The following TAAR2 variants were observed in gnomAD, a reference collection of about 807,000 sequenced individuals.
TAAR2 encodes trace amine associated receptor 2, also known as trace amine-associated receptor 2.
In TAAR2, 30 loss-of-function variants were observed where a neutral mutation model predicts 25.5. The observed-to-expected ratio is 1.18, with a 90% confidence interval of 0.88 to 1.60. The LOEUF (loss-of-function observed/expected upper bound fraction) is 1.60, where lower values mean the gene tolerates loss of function less well. Ranked by LOEUF, TAAR2 falls within the 40% of genes most tolerant of loss-of-function variation. TAAR2 has a pLI of 0.00. For synonymous variants in TAAR2, 150 were observed against 142.4 expected (o/e 1.05, Z -0.38); for missense variants, 481 against 416.5 (o/e 1.15, Z -1.35).
In TAAR2 at chr6:132,617,698, C is replaced by T; in HGVS notation, c.508G>A (p.Val170Ile). ...ACCCCGAAGGCAAATGCTCCAGGGA[C>T]CGACCAACATAGAAGTAGCAATCTT... is the stretch of plus-strand genomic sequence containing the variant. ...IKRLLLLCWS[V>I]PGAFAFGVVF... Residue 170 changes from valine (V) to isoleucine (I), a missense_variant, in exon 2 of 2, where the codon GTC (valine) becomes ATC (isoleucine). Val to Ile is a conservative substitution (Grantham distance 29). Coordinates refer to ENST00000367931, the MANE Select transcript of TAAR2 (RefSeq NM_001033080.1). The T allele has an allele frequency of 6.2e-7, 1 of 1,613,820 alleles. No homozygotes were observed. Among genetic ancestry groups the T allele is most frequent in the Non-Finnish European group, 8.5e-7 (1 of 1,179,952 alleles).
In TAAR2 at chr6:132,624,123, A is replaced by G; in HGVS notation, c.60+93T>C. 5 of 1,196,740 alleles carry G rather than the reference A, an allele frequency of 4.2e-6. 1 individual carries two copies. The highest frequency in any genetic ancestry group is 6.1e-6 in the Non-Finnish European group (5 of 817,994). 74.1% of individuals were successfully genotyped at this position (1,196,740 alleles called of 1,614,324 possible). The stretch of plus-strand genomic sequence containing the variant: ...CCTTTTAGATCTGGAGGAATTGAGC[A>G]TAATTATTATCTTTGTAAATAATTC... On this transcript the variant is annotated intron_variant, in intron 1 of 1. Transcript: ENST00000367931.
In TAAR2 at chr6:132,618,368, G is replaced by A. The variant is rs538854299; in HGVS notation, c.61-223C>T. ...TAAAAGATCATTATTGGCCAGGTGC[G>A]GTGGCTCACGCCTGTAATCCCAGCA... On this transcript the variant is annotated intron_variant, in intron 1 of 1. Coordinates refer to ENST00000367931, the MANE Select transcript of TAAR2 (RefSeq NM_001033080.1). Among the ~76,000 whole-genome samples the A allele has an allele frequency of 1.2e-4, 19 of 152,102 alleles. No homozygotes were observed. The South Asian group carries it at 1.9e-3, about 15-fold the overall frequency.
chr6:132,623,947 C>G (rs2114615007), intron 1 of TAAR2, among the ~76,000 whole-genome samples: 2 of 152,050 alleles, frequency 1.3e-5, no homozygotes, highest in South Asian at 4.2e-4. Context: ...CTGGTTCAAG[C>G]AGAAGAATGC....
intron 1 of TAAR2, among the ~76,000 whole-genome samples, chr6:132,619,190 T>A (rs1777341792): frequency 6.6e-6 from 1 of 152,216 alleles, no homozygotes; most frequent in South Asian, 2.1e-4. Flanking sequence ...CACACAAGGC[T>A]ATGAGCAGAG....
At chr6:132,623,853 A>G (rs568021460) in intron 1 of TAAR2, among the ~76,000 whole-genome samples, 1 of 152,072 alleles carries the variant, frequency 6.6e-6, no homozygotes, top group African/African-American at 2.4e-5. Flanking sequence ...CTGCTATTAC[A>G]TAAAGGCTGT....
At chr6:132,618,192 CTA>C in intron 1 of TAAR2, 47 bp from the exon 2 acceptor site, 1 of 1,490,228 alleles carries the variant, frequency 6.7e-7, no homozygotes, top group Non-Finnish European at 9.0e-7. Flanking sequence ...TATAAATATT[CTA>C]TGTTTTATAT....
In TAAR2 at chr6:132,617,403, A is replaced by G. The variant is rs1426524814; in HGVS notation, c.803T>C (p.Ile268Thr). 6.2e-7 allele frequency: 1 copy of G among 1,613,698 alleles called. No homozygotes were observed. The highest frequency in any genetic ancestry group is 8.5e-7 in the Non-Finnish European group (1 of 1,179,930). The change falls in exon 2 of 2, where the codon ATA becomes ACA. Residue 268 changes from isoleucine to threonine, a missense_variant. Coordinates refer to ENST00000367931, the MANE Select transcript of TAAR2 (RefSeq NM_001033080.1). The stretch of plus-strand genomic sequence containing the variant: ...AAACCAACATAATAAGAAAACTCCT[A>G]TCACTATTCCTAAAGTTTTGGCAGC... ...KKAAKTLGIV[I>T]GVFLLCWFPC...
chr6:132,623,292 C>A (rs1777399814), intron 1 of TAAR2, among the ~76,000 whole-genome samples: 1 of 152,164 alleles, frequency 6.6e-6, no homozygotes, highest in South Asian at 2.1e-4. Context: ...TGTTACACTG[C>A]CAGAAGGCAG....
In TAAR2 at chr6:132,624,099, CT is replaced by C. The variant is rs11312425; in HGVS notation, c.60+116del. Reference sequence around the variant, plus strand: ...ATTAAAAGAACACATTTCATCAACCCTTTTAGATCTGGAGGAATTGAGCATA... The same window carrying C: ...ATTAAAAGAACACATTTCATCAACCCTTTAGATCTGGAGGAATTGAGCATA... On this transcript the variant is annotated intron_variant, in intron 1 of 1. Transcript: ENST00000367931. 2.9e-3 allele frequency: 2,904 copies of C among 1,002,254 alleles called. 64 individuals carry two copies. In the African/African-American group the frequency reaches 0.04, roughly 14 times the overall value. 62.1% of individuals were successfully genotyped at this position (1,002,254 alleles called of 1,614,324 possible).
At chr6:132,623,211 T>C (rs1777398849) in intron 1 of TAAR2, among the ~76,000 whole-genome samples, 1 of 152,228 alleles carries the variant, frequency 6.6e-6, no homozygotes, top group Non-Finnish European at 1.5e-5. Context: ...AAGACAGTGA[T>C]AGATCATTTG....
intron 1 of TAAR2, among the ~76,000 whole-genome samples, chr6:132,622,666 A>G (rs913571980): frequency 2.6e-5 from 4 of 151,396 alleles, no homozygotes; most frequent in Non-Finnish European, 5.9e-5. Context: ...TTGTATTTTT[A>G]GTAGAGACAC....
chr6:132,617,433 T>G lies in TAAR2; in HGVS notation c.773A>C (p.Lys258Thr). ...TATTCCTAAAGTTTTGGCAGCTTTT[T>G]TGTCTTTCTTCACTTGATTATTTTG... The part of the protein sequence containing the change: ...ENQNNQVKKD[K>T]KAAKTLGIVI... The change falls in exon 2 of 2, where the codon AAA becomes ACA. Residue 258 changes from lysine (K) to threonine (T), a missense_variant. Lys to Thr is a moderately conservative substitution (Grantham distance 78). Coordinates refer to ENST00000367931, the MANE Select transcript of TAAR2 (RefSeq NM_001033080.1). 3 of 1,613,740 alleles carry G rather than the reference T, an allele frequency of 1.9e-6. No individual in the cohort carries two copies. Among genetic ancestry groups the G allele is most frequent in the Non-Finnish European group, 2.5e-6 (3 of 1,179,930 alleles).
At chr6:132,622,100 T>C (rs1181733452) in intron 1 of TAAR2, among the ~76,000 whole-genome samples, 3 of 152,090 alleles carry the variant, frequency 2.0e-5, no homozygotes, top group African/African-American at 7.2e-5. Context: ...TTAAATGGAA[T>C]GTCAGATCTT....
chr6:132,623,957 C>A (rs546707572), intron 1 of TAAR2, among the ~76,000 whole-genome samples: 1 of 152,020 alleles, frequency 6.6e-6, no homozygotes, highest in Non-Finnish European at 1.5e-5. Context: ...CAGAAGAATG[C>A]GCATGTGTCC....
intron 1 of TAAR2, 123 bp downstream of exon 1, chr6:132,624,093 T>C (rs1777411822): frequency 1.1e-6 from 1 of 944,834 alleles, no homozygotes. Flanking sequence ...ACACATTTCA[T>C]CAACCCTTTT....
Position 132,617,388 on chromosome 6 carries a change from A to T in TAAR2, c.818T>A (p.Leu273Ter). The T allele has an allele frequency of 6.2e-7, 1 of 1,613,824 alleles. No individual in the cohort carries two copies. Among genetic ancestry groups the T allele is most frequent in the East Asian group, 2.2e-5 (1 of 44,762 alleles). ...TLGIVIGVFLLCWFPCFFTIL... is the reference protein window; with the variant it reads ...TLGIVIGVFL ...TGTGAAGAAACAAGGAAACCAACATAATAAGAAAACTCCTATCACTATTCC... is the reference window on the plus strand; with the variant it reads ...TGTGAAGAAACAAGGAAACCAACATTATAAGAAAACTCCTATCACTATTCC... Residue 273 changes from leucine to a stop codon, truncating the protein, a stop_gained, in exon 2 of 2, where the codon TTA becomes TAA. Coordinates refer to ENST00000367931, the MANE Select transcript of TAAR2 (RefSeq NM_001033080.1). LOFTEE classifies it high-confidence loss of function.
Position 132,617,692 on chromosome 6 carries a change from C to T in TAAR2, c.514G>A (p.Gly172Arg), listed in dbSNP as rs757357070. ...AAGACCACCCCGAAGGCAAATGCTC[C>T]AGGGACCGACCAACATAGAAGTAGC... ...RLLLLCWSVPGAFAFGVVFSE... is the reference protein window; with the variant it reads ...RLLLLCWSVPRAFAFGVVFSE... The change falls in exon 2 of 2, where the codon GGA becomes AGA. Residue 172 changes from glycine to arginine, a missense_variant. Coordinates refer to ENST00000367931, the MANE Select transcript of TAAR2 (RefSeq NM_001033080.1). The T allele has an allele frequency of 6.2e-7, 1 of 1,613,888 alleles. No individual in the cohort carries two copies. The highest frequency in any genetic ancestry group is 8.5e-7 in the Non-Finnish European group (1 of 1,179,968).
In TAAR2 at chr6:132,624,153, G is replaced by A. The variant is rs1777412367; in HGVS notation, c.60+63C>T. ...TATTATCTTTGTAAATAATTCACAT[G>A]TTTATGCCAAAATCTTCTCAGATGC... On this transcript the variant is annotated intron_variant, in intron 1 of 1. Transcript: ENST00000367931. 10 of 1,489,754 alleles carry A rather than the reference G, an allele frequency of 6.7e-6. No homozygotes were observed. The South Asian group carries it at 1.0e-4, about 15-fold the overall frequency. 92.3% of individuals were successfully genotyped at this position (1,489,754 alleles called of 1,614,324 possible).
intron 1 of TAAR2, among the ~76,000 whole-genome samples, chr6:132,622,791 C>G (rs1007653361): frequency 3.3e-5 from 5 of 152,022 alleles, no homozygotes; most frequent in African/African-American, 1.2e-4. Context: ...GCCTAGTAAC[C>G]ACTTTTAAGA....
Sources: gnomAD v4.1 joint callset for allele counts (sites outside exome capture counted in the v4.1 genomes callset) on GRCh38, gnomAD v4.1.1 for gene constraint, MANE v1.5 for transcripts, NCBI Gene and HGNC (gene_info 2026-07-23, HGNC 2026-07-21) for gene names.